PILRA: variants seen among roughly 807,000 people sequenced by gnomAD.
PILRA encodes the protein paired immunoglobin like type 2 receptor alpha.
A neutral mutation model predicts 33.1 loss-of-function variants in PILRA; 37 were observed. The observed-to-expected ratio is 1.12, with a 90% CI of 0.86 to 1.47. The LOEUF is 1.47. Among genes scored for constraint, PILRA ranks in the 40% most tolerant of loss-of-function variants. The pLI is 0.00. For missense variants in PILRA, 312 were observed against 376.2 expected, an observed-to-expected ratio of 0.83 and a Z score of 1.41; for synonymous variants, 146 against 149.9, an observed-to-expected ratio of 0.97 and a Z score of 0.19.
chr7:100,393,569 A>G (rs1023729184), intron 3 of PILRA, among the ~76,000 whole-genome samples: 1 of 152,222 alleles, frequency 6.6e-6, no homozygotes, highest in African/African-American at 2.4e-5. Context: ...AATTGTTGTC[A>G]GTTGCTACCA....
At chr7:100,395,139 A>G (rs914176270) in intron 3 of PILRA, among the ~76,000 whole-genome samples, 1 of 152,228 alleles carries the variant, frequency 6.6e-6, no homozygotes. Flanking sequence ...ACCCAATTTA[A>G]AAGTGGGCAG....
chr7:100,386,733 G>A (rs1197372296), intron 2 of PILRA, among the ~76,000 whole-genome samples: 2 of 151,220 alleles, frequency 1.3e-5, no homozygotes, highest in Non-Finnish European at 2.9e-5. Context: ...TCACTGTGCT[G>A]CCCAGGCTGG....
At position 100,376,876 on chromosome 7, in the gene PILRA, C is replaced by T. The variant is rs530138085; in HGVS notation, c.454+2443C>T. 2.7e-5 allele frequency among the ~76,000 whole-genome samples: 4 copies of T among 150,604 alleles called. No individual in the cohort carries two copies. In the East Asian group the frequency reaches 5.8e-4, roughly 22 times the overall value. ...TCCCAGGCTCAAGTGATTCTCTTGC[C>T]TCAGCCTCCCAAATAGCTGGGACTA... On this transcript the variant is annotated intron_variant, in intron 2 of 6. Transcript: ENST00000198536.
At chr7:100,383,407 T>C (rs1186429580) in intron 2 of PILRA, among the ~76,000 whole-genome samples, 3 of 152,008 alleles carry the variant, frequency 2.0e-5, no homozygotes, top group Non-Finnish European at 4.4e-5. Context: ...CCCAGGAAGA[T>C]CCAAGCTAGA....
intron 2 of PILRA, 74 bp from the exon 3 acceptor site, chr7:100,389,814 C>A: frequency 8.0e-7 from 1 of 1,257,478 alleles, no homozygotes; most frequent in Non-Finnish European, 1.2e-6. Context: ...ACCTAGAAAG[C>A]AGCACACCAC....
chr7:100,392,179 C>T (rs762010737), intron 3 of PILRA, among the ~76,000 whole-genome samples: 6 of 152,094 alleles, frequency 3.9e-5, no homozygotes, highest in African/African-American at 4.8e-5. Context: ...TGTGGTGGTA[C>T]GCACCTGTAG....
rs756703005 is a variant in PILRA, at chr7:100,389,941, A to G, written c.508A>G (p.Ser170Gly). The change falls in exon 3 of 7, where the codon AGT (serine) becomes GGT (glycine). Residue 170 changes from serine (S) to glycine (G), a missense_variant. By Grantham distance (56) the Ser-to-Gly change is moderately conservative (BLOSUM62 0). Transcript: ENST00000198536. ...CAGCATGACTACCACCTGGAGGCTC[A>G]GTAGCACAACCACCACAACCGGCCT... ...PSSMTTTWRL[S>G]STTTTTGLRV... The G allele has an allele frequency of 6.2e-7, 1 of 1,614,018 alleles. No homozygotes were observed. The highest frequency in any genetic ancestry group is 1.1e-5 in the South Asian group (1 of 91,066).
In PILRA at chr7:100,373,686, G is replaced by A. The variant is rs200208347; in HGVS notation, c.30G>A (p.Leu10=). The A allele has an allele frequency of 1.2e-6, 2 of 1,613,090 alleles. No homozygotes were observed. Among genetic ancestry groups the A allele is most frequent in the Non-Finnish European group, 1.7e-6 (2 of 1,179,584 alleles). Residue 10 remains leucine (L), a synonymous_variant, in exon 1 of 7, where the codon CTG becomes CTA. Coordinates refer to ENST00000198536, the MANE Select transcript of PILRA (RefSeq NM_013439.3). ...GTCGGCCCCTGCTGCTGCCCCTACT[G>A]CCCTTGCTGCTGCCGCCAGCATTTC... MGRPLLLPL[L]PLLLPPAFLQ... is the part of the protein sequence containing the mutation.
chr7:100,375,351 CTTCAGTT>C (rs1357237174), intron 2 of PILRA, among the ~76,000 whole-genome samples: 2 of 152,212 alleles, frequency 1.3e-5, no homozygotes, highest in East Asian at 3.8e-4. Context: ...CTGCTATTCT[CTTCAGTT>C]TACAGACAGG....
chr7:100,384,875 A>G (rs1378553763), intron 2 of PILRA, among the ~76,000 whole-genome samples: 1 of 152,112 alleles, frequency 6.6e-6, no homozygotes, highest in African/African-American at 2.4e-5. Context: ...CTGGGCCCTG[A>G]CATTAGGTTT....
At chr7:100,380,583 G>A (rs905883048) in intron 2 of PILRA, among the ~76,000 whole-genome samples, 2 of 152,124 alleles carry the variant, frequency 1.3e-5, no homozygotes, top group African/African-American at 4.8e-5. Flanking sequence ...ATTATTTGAG[G>A]CCAGGAGTTC....
intron 4 of PILRA, among the ~76,000 whole-genome samples, chr7:100,398,972 C>T (rs1485135153): frequency 6.6e-6 from 1 of 151,322 alleles, no homozygotes; most frequent in African/African-American, 2.4e-5. Flanking sequence ...GAGAGGGTAT[C>T]GCTCTGTCAC....
At chr7:100,384,836 T>C (rs1791221560) in intron 2 of PILRA, among the ~76,000 whole-genome samples, 1 of 152,034 alleles carries the variant, frequency 6.6e-6, no homozygotes, top group South Asian at 2.1e-4. Flanking sequence ...ATCTGGGAAG[T>C]GAGTGTGGCT....
At position 100,390,120 on chromosome 7, in the gene PILRA, A is replaced by G; in HGVS notation, c.673+14A>G. On this transcript the variant is annotated intron_variant, in intron 3 of 6. Transcript: ENST00000198536. ...GGAGAAGGAAAGGTAAGTGCCCAGG[A>G]CCCGCCCTCTCCCCAAGCCTCCCAT... 3.1e-6 allele frequency: 5 copies of G among 1,607,928 alleles called. No individual in the cohort carries two copies. Among genetic ancestry groups the G allele is most frequent in the Non-Finnish European group, 4.3e-6 (5 of 1,174,966 alleles).
At chr7:100,373,016 G>C (rs1790855616), upstream of PILRA, among the ~76,000 whole-genome samples, 1 of 152,134 alleles carries the variant, frequency 6.6e-6, no homozygotes, top group Non-Finnish European at 1.5e-5. Flanking sequence ...CCGAGAGAGG[G>C]CCTGGGGCAG....
chr7:100,397,860 A>C lies in PILRA; in HGVS notation c.674-19A>C, dbSNP rs1791531867. The C allele has an allele frequency of 6.2e-7, 1 of 1,613,194 alleles. No individual in the cohort carries two copies. Among genetic ancestry groups the C allele is most frequent in the African/African-American group, 1.3e-5 (1 of 74,998 alleles). On this transcript the variant is annotated intron_variant, in intron 3 of 6. Transcript: ENST00000198536. ...CATCACCCGGATGCCACCCTGACTC[A>C]CTGTTGGTCCCCCTACAGGTCAGCA... is the stretch of plus-strand genomic sequence containing the variant.
intron 2 of PILRA, among the ~76,000 whole-genome samples, chr7:100,383,227 G>A (rs2130190402): frequency 6.6e-6 from 1 of 152,262 alleles, no homozygotes; most frequent in East Asian, 1.9e-4. Flanking sequence ...GCAGGCCTCT[G>A]AAAAGCAAGA....
In PILRA at chr7:100,374,026, A is replaced by C. The variant is rs368157952; in HGVS notation, c.65-18A>C. ...TGGTTTCAAGGTCTCTCCCCTACTC[A>C]CTCCCTCCCTCCTCTAGGTGGCTCC... On this transcript the variant is annotated intron_variant, in intron 1 of 6. Transcript: ENST00000198536. 91 of 1,606,428 alleles carry C rather than the reference A, an allele frequency of 5.7e-5. No homozygotes were observed. The highest frequency in any genetic ancestry group is 1.6e-4 in the Middle Eastern group (1 of 6,074).
At chr7:100,378,471 C>CAAAA (rs527344200) in intron 2 of PILRA, among the ~76,000 whole-genome samples, 1 of 152,188 alleles carries the variant, frequency 6.6e-6, no homozygotes, top group African/African-American at 2.4e-5. Context: ...ACACAACACT[C>CAAAA]TTTTAAGTCA....
Sources: allele counts gnomAD v4.1 joint callset (sites outside exome capture counted in the v4.1 genomes callset), GRCh38; gene constraint gnomAD v4.1.1; transcripts MANE v1.5; gene names NCBI Gene and HGNC (gene_info 2026-07-23, HGNC 2026-07-21).